Variants in XRCC3 observed in about 807,000 individuals in gnomAD.
XRCC3 encodes X-ray repair cross complementing 3, also known as DNA repair protein XRCC3.
In XRCC3, 34 loss-of-function variants were observed where a neutral mutation model predicts 29.2. The observed-to-expected ratio is 1.16, with a 90% CI of 0.88 to 1.55. The LOEUF (loss-of-function observed/expected upper bound fraction) is 1.55. Ranked by LOEUF, XRCC3 falls within the 40% of genes most tolerant of loss-of-function variation. The pLI, the probability that XRCC3 is intolerant of heterozygous loss-of-function variation, is 0.00. For synonymous variants in XRCC3, 223 were observed against 211.3 expected (o/e 1.06, Z -0.48); for missense variants, 463 against 467.6 (o/e 0.99, Z 0.09).
intron 2 of XRCC3, chr14:103,712,156 G>A (rs930370656): frequency 5.9e-5 from 11 of 184,906 alleles, no homozygotes; most frequent in Admixed American, 1.6e-4. Flanking sequence ...CAGGCACCCC[G>A]TGAGGCGGGC....
intron 5 of XRCC3, 30 bp from the exon 6 acceptor site, chr14:103,707,245 C>G: frequency 6.5e-7 from 1 of 1,547,776 alleles, no homozygotes; most frequent in Non-Finnish European, 8.7e-7. Flanking sequence ...TCAGGCCTGA[C>G]TCTCCTGGGC....
At position 103,711,492 on chromosome 14, in the gene XRCC3, G is replaced by C. The variant is rs571569002; in HGVS notation, c.-185C>G. Reference sequence around the variant, plus strand: ...TCTCTGGGGCTTGGGGATGACCCGCGTGTTTTTGGCTGACTTGACTGAGGC... The same window carrying C: ...TCTCTGGGGCTTGGGGATGACCCGCCTGTTTTTGGCTGACTTGACTGAGGC... On this transcript the variant is annotated 5_prime_UTR_variant, in exon 3 of 10. Transcript: ENST00000555055. 1 of 474,346 alleles carries C rather than the reference G, an allele frequency of 2.1e-6. No individual in the cohort carries two copies. Among genetic ancestry groups the C allele is most frequent in the Admixed American group, 2.3e-5 (1 of 43,084 alleles). The allele number at this position is 474,346 out of a possible 1,614,324, so 29.4% of individuals were successfully genotyped here. A position where few individuals can be genotyped will look rare whatever the true frequency, so the allele number is the denominator to read the frequency against.
chr14:103,713,494 A>G (rs2083702196), intron 1 of XRCC3: 1 of 152,412 alleles, frequency 6.6e-6, no homozygotes, highest in African/African-American at 2.4e-5. Flanking sequence ...ACAGACCTGT[A>G]TGTCTTCCTG....
chr14:103,713,432 G>A (rs973228173), intron 1 of XRCC3: 16 of 152,490 alleles, frequency 1.0e-4, no homozygotes, highest in African/African-American at 3.9e-4. Context: ...CTACACCGGG[G>A]TGAAGGCCAC....
At chr14:103,703,138 C>T (rs1595655157) in intron 7 of XRCC3, 35 bp downstream of exon 7, 2 of 1,554,012 alleles carry the variant, frequency 1.3e-6, no homozygotes, top group African/African-American at 1.4e-5. Context: ...GAATAGCTTG[C>T]CTTGGGGGTG....
chr14:103,703,472 T>G (rs2083313671), intron 6 of XRCC3, 145 bp from the exon 7 acceptor site: 1 of 1,016,716 alleles, frequency 9.8e-7, no homozygotes, highest in Non-Finnish European at 1.5e-6. Context: ...GGGAGGAGGC[T>G]GGTGCTTTTT....
intron 4 of XRCC3, chr14:103,709,962 G>C (rs2083567054): frequency 6.6e-6 from 1 of 152,264 alleles, no homozygotes; most frequent in Non-Finnish European, 1.5e-5. Flanking sequence ...CTGTCACCAG[G>C]CTGCTGCGGC....
chr14:103,712,510 G>C (rs1324687707), intron 2 of XRCC3: 2 of 152,448 alleles, frequency 1.3e-5, no homozygotes, highest in Non-Finnish European at 2.9e-5. Context: ...CTCGAAAAGA[G>C]GTCATTTTCA....
At chr14:103,703,843 C>T (rs749086508) in intron 6 of XRCC3, 9 of 212,516 alleles carry the variant, frequency 4.2e-5, no homozygotes, top group Admixed American at 1.0e-4. Context: ...TGAAAAGACA[C>T]GTGTTGGTGA....
At chr14:103,700,617 C>T (rs1284123501) in intron 7 of XRCC3, 2 of 1,568,156 alleles carry the variant, frequency 1.3e-6, no homozygotes, top group African/African-American at 1.4e-5. Flanking sequence ...GGGCCGCCTG[C>T]ACGCCCTGAG....
chr14:103,709,579 G>A (rs183896583), intron 4 of XRCC3: 48 of 152,374 alleles, frequency 3.2e-4, no homozygotes, highest in African/African-American at 1.1e-3. Context: ...GAGATGGAAG[G>A]GTGGGAATGA....
chr14:103,714,434 C>T (rs978997455), intron 1 of XRCC3, among the ~76,000 whole-genome samples: 19 of 150,404 alleles, frequency 1.3e-4, no homozygotes, highest in African/African-American at 3.7e-4. Flanking sequence ...TCAAGACCAG[C>T]CTGGGCAACA....
rs1161640996 is a variant in XRCC3, at chr14:103,699,002, A to C, written c.837T>G (p.Arg279=). Residue 279 remains arginine (R), a synonymous_variant, in exon 10 of 10, where the codon CGT becomes CGG. Coordinates refer to ENST00000555055, the MANE Select transcript of XRCC3 (RefSeq NM_005432.4). ...AGGTTATGCCAAGGGCTGGGGAAACACGTTCGTCCCAGAACCTGAGAAACA... is the reference window on the plus strand; with the variant it reads ...AGGTTATGCCAAGGGCTGGGGAAACCCGTTCGTCCCAGAACCTGAGAAACA... The part of the protein sequence containing the change: ...AHGPLGFWDE[R]VSPALGITWA... 3 of 1,591,300 alleles carry C rather than the reference A, an allele frequency of 1.9e-6. No individual in the cohort carries two copies. In the Admixed American group the frequency reaches 5.2e-5, roughly 28 times the overall value.
intron 4 of XRCC3, 154 bp downstream of exon 4, chr14:103,710,879 C>CACAT (rs2083602917): frequency 1.4e-6 from 1 of 704,942 alleles, no homozygotes; most frequent in Non-Finnish European, 2.5e-6. Flanking sequence ...CACACACACA[C>CACAT]ACACCTGAAA....
At chr14:103,708,156 CGTG>C (rs2151939763) in intron 5 of XRCC3, 1 of 369,114 alleles carries the variant, frequency 2.7e-6, no homozygotes, top group East Asian at 6.6e-5. Flanking sequence ...GTTTCCCACA[CGTG>C]GTGGTGGGAC....
intron 7 of XRCC3, 128 bp from the exon 8 acceptor site, chr14:103,699,704 C>T (rs1159861643): frequency 2.4e-6 from 2 of 839,256 alleles, no homozygotes; most frequent in South Asian, 1.4e-5. Flanking sequence ...AGTGCCCATA[C>T]TCTGTAGTCC....
intron 7 of XRCC3, chr14:103,700,670 GCCTC>G: frequency 6.2e-7 from 1 of 1,607,864 alleles, no homozygotes; most frequent in East Asian, 2.3e-5. Flanking sequence ...CTCTGGCCGA[GCCTC>G]TTTTTGTGGA....
At chr14:103,703,029 C>T in intron 7 of XRCC3, 144 bp downstream of exon 7, 2 of 1,303,494 alleles carry the variant, frequency 1.5e-6, no homozygotes, top group African/African-American at 1.5e-5. Context: ...CGGGCGTAAA[C>T]CCCCATGACC....
chr14:103,710,976 CT>C, intron 4 of XRCC3, 56 bp downstream of exon 4: 4 of 1,584,250 alleles, frequency 2.5e-6, no homozygotes, highest in Non-Finnish European at 2.6e-6. Flanking sequence ...GTTAACCTGC[CT>C]TATATAAACT....
Sources: gnomAD v4.1 joint callset for allele counts (sites outside exome capture counted in the v4.1 genomes callset) on GRCh38, gnomAD v4.1.1 for gene constraint, MANE v1.5 for transcripts, NCBI Gene and HGNC (gene_info 2026-07-23, HGNC 2026-07-21) for gene names.